Variants in CACNG2 observed in about 807,000 individuals in gnomAD.
CACNG2 encodes voltage-dependent calcium channel gamma-2 subunit.
Under a neutral mutation model 25.9 loss-of-function variants are expected in CACNG2, and 3 were observed. The observed-to-expected ratio is 0.12, with a 90% confidence interval of 0.05 to 0.30. The LOEUF (loss-of-function observed/expected upper bound fraction) is 0.30, where lower values mean the gene tolerates loss of function less well. Among genes scored for constraint, CACNG2 ranks in the 10% least tolerant of loss-of-function variants. The pLI is 1.00. For missense variants in CACNG2, 341 were observed against 432.5 expected, an observed-to-expected ratio of 0.79 and a Z score of 1.88; for synonymous variants, 167 against 173.3, an observed-to-expected ratio of 0.96 and a Z score of 0.29.
intron 1 of CACNG2, among the ~76,000 whole-genome samples, chr22:36,634,176 T>C (rs1258677599): frequency 6.6e-6 from 1 of 152,240 alleles, no homozygotes; most frequent in East Asian, 1.9e-4. Flanking sequence ...CACCTAAGGC[T>C]GTTTTCCCTA....
chr22:36,622,581 G>A (rs1190368514), intron 1 of CACNG2, among the ~76,000 whole-genome samples: 1 of 152,196 alleles, frequency 6.6e-6, no homozygotes, highest in East Asian at 1.9e-4. Flanking sequence ...CAGACATTCG[G>A]CTCTGGACCT....
intron 1 of CACNG2, among the ~76,000 whole-genome samples, chr22:36,639,100 A>C (rs1181255231): frequency 1.3e-5 from 2 of 152,178 alleles, no homozygotes; most frequent in Admixed American, 6.5e-5. Context: ...TCCAGGTTGG[A>C]TCGTGGATCC....
intron 2 of CACNG2, among the ~76,000 whole-genome samples, chr22:36,580,087 G>A (rs999321361): frequency 1.3e-5 from 2 of 152,196 alleles, no homozygotes; most frequent in Admixed American, 6.5e-5. Flanking sequence ...ATTGCTGTCC[G>A]ACTCTAACTC....
chr22:36,659,801 C>T (rs567085611), intron 1 of CACNG2, among the ~76,000 whole-genome samples: 3 of 152,238 alleles, frequency 2.0e-5, no homozygotes, highest in South Asian at 4.1e-4. Flanking sequence ...CCAGATGGAA[C>T]ACCTTGAATA....
chr22:36,646,457 C>A (rs988214174), intron 1 of CACNG2, among the ~76,000 whole-genome samples: 1 of 152,140 alleles, frequency 6.6e-6, no homozygotes, highest in East Asian at 1.9e-4. Context: ...AGCTCCTCAG[C>A]CAAGTTTTAT....
At chr22:36,688,766 G>T (rs1937234119) in intron 1 of CACNG2, among the ~76,000 whole-genome samples, 1 of 152,160 alleles carries the variant, frequency 6.6e-6, no homozygotes, top group Non-Finnish European at 1.5e-5. Flanking sequence ...CTGAAGCCTT[G>T]CTTCTCAAAC....
chr22:36,613,156 C>CTCTCTGTG (rs140413982), intron 1 of CACNG2, among the ~76,000 whole-genome samples: 88 of 146,222 alleles, frequency 6.0e-4, no homozygotes, highest in Non-Finnish European at 9.0e-4. Flanking sequence ...TACAGGCTCT[C>CTCTCTGTG]TGTGTGTGTG....
Position 36,564,667 on chromosome 22 carries a change from T to C in CACNG2, c.656A>G (p.Gln219Arg). 6.2e-7 allele frequency: 1 copy of C among 1,613,954 alleles called. No individual in the cohort carries two copies. Among genetic ancestry groups the C allele is most frequent in the Non-Finnish European group, 8.5e-7 (1 of 1,180,006 alleles). ...GGGGATGCGGGTGATGGCAGAGGCCTGGAGGTAGTCCGTGGCGCGGGCCGT... is the reference window on the plus strand; with the variant it reads ...GGGGATGCGGGTGATGGCAGAGGCCCGGAGGTAGTCCGTGGCGCGGGCCGT... ...RATARATDYL[Q>R]ASAITRIPSY... is the part of the protein sequence containing the mutation. Residue 219 changes from glutamine (Q) to arginine (R), a missense_variant, in exon 4 of 4, where the codon CAG becomes CGG. Gln to Arg is a conservative substitution (Grantham distance 43, BLOSUM62 1). Transcript: ENST00000300105. This position sits in a 1 kb window ranked among gnomAD's most constrained non-coding sequence, Gnocchi z 6.7.
In CACNG2 at chr22:36,676,087, C is replaced by T. The variant is rs1159184054; in HGVS notation, c.211+26279G>A. Among the ~76,000 whole-genome samples the T allele has an allele frequency of 3.3e-5, 5 of 152,212 alleles. No homozygotes were observed. In the East Asian group the frequency reaches 5.8e-4, roughly 18 times the overall value. On this transcript the variant is annotated intron_variant, in intron 1 of 3. Coordinates refer to ENST00000300105, the MANE Select transcript of CACNG2 (RefSeq NM_006078.5). ...GACATCAAAGCCTCCTGTGTGGTCT[C>T]GCCCCACCCCTCGTGGAGCAGGCTC...
chr22:36,658,563 G>A (rs1353542446), intron 1 of CACNG2, among the ~76,000 whole-genome samples: 1 of 152,200 alleles, frequency 6.6e-6, no homozygotes, highest in Admixed American at 6.5e-5. Flanking sequence ...GCTTCTAAGT[G>A]TTGGGGTGGG....
chr22:36,635,278 C>G (rs187637832), intron 1 of CACNG2, among the ~76,000 whole-genome samples: 6 of 137,880 alleles, frequency 4.4e-5, no homozygotes, highest in African/African-American at 1.7e-4. Context: ...AGCGAGACCC[C>G]GTCTCAAAAA....
At chr22:36,574,269 G>A (rs1424641694) in intron 2 of CACNG2, among the ~76,000 whole-genome samples, 3 of 152,220 alleles carry the variant, frequency 2.0e-5, no homozygotes, top group African/African-American at 7.2e-5. Context: ...GATCGGAGAG[G>A]AGTGATGCCG....
chr22:36,618,885 A>T (rs1838096887), intron 1 of CACNG2, among the ~76,000 whole-genome samples: 1 of 152,096 alleles, frequency 6.6e-6, no homozygotes, highest in Non-Finnish European at 1.5e-5. Context: ...GCACCACTAC[A>T]CTCCAGCCTA....
intron 1 of CACNG2, among the ~76,000 whole-genome samples, chr22:36,618,255 G>A (rs184122005): frequency 7.4e-4 from 113 of 152,342 alleles, no homozygotes; most frequent in Middle Eastern, 3.4e-3. Context: ...CTAGAACCTG[G>A]TGAAACCCAG....
intron 1 of CACNG2, among the ~76,000 whole-genome samples, chr22:36,687,180 G>T (rs932402396): frequency 6.6e-6 from 1 of 152,204 alleles, no homozygotes; most frequent in East Asian, 1.9e-4. Context: ...ATGATGGAGT[G>T]GGGAGCGAGC....
intron 1 of CACNG2, among the ~76,000 whole-genome samples, chr22:36,664,365 C>A (rs975033939): frequency 2.0e-5 from 3 of 152,208 alleles, no homozygotes; most frequent in African/African-American, 7.2e-5. Flanking sequence ...ACTGTTCTAG[C>A]CACTGGGGCT....
chr22:36,654,124 C>T (rs1041544903), intron 1 of CACNG2, among the ~76,000 whole-genome samples: 1 of 151,934 alleles, frequency 6.6e-6, no homozygotes, highest in Non-Finnish European at 1.5e-5. Context: ...AAAATCCACA[C>T]CTGCCTCAAA....
intron 2 of CACNG2, 37 bp downstream of exon 2, chr22:36,587,428 C>G: frequency 2.7e-6 from 4 of 1,471,134 alleles, no homozygotes; most frequent in East Asian, 2.3e-5. Flanking sequence ...CAGGGCCCAC[C>G]ACCAGGAGGG....
chr22:36,611,616 G>A (rs994067910), intron 1 of CACNG2, among the ~76,000 whole-genome samples: 39 of 152,130 alleles, frequency 2.6e-4, no homozygotes, highest in Non-Finnish European at 4.4e-4. Context: ...CAAGCACCCC[G>A]AAATGCCCCT....
Sources: allele counts gnomAD v4.1 joint callset (sites outside exome capture counted in the v4.1 genomes callset), GRCh38; gene constraint gnomAD v4.1.1; non-coding constraint Gnocchi (gnomAD v3.1); transcripts MANE v1.5; gene names NCBI Gene and HGNC (gene_info 2026-07-23, HGNC 2026-07-21).